The following FAM227B variants were observed in gnomAD, a reference collection of about 807,000 sequenced individuals.
The protein encoded by FAM227B is family with sequence similarity 227 member B, also known as protein FAM227B.
A neutral mutation model predicts 73.8 loss-of-function variants in FAM227B; 88 were observed. The ratio of observed to expected loss-of-function variants is 1.19; its 90% confidence interval spans 1.00 to 1.42. The LOEUF (loss-of-function observed/expected upper bound fraction) is 1.42. Ranked by LOEUF, FAM227B falls within the 40% of genes most tolerant of loss-of-function variation. The pLI is 0.00. For missense variants in FAM227B, 632 were observed against 590.9 expected, an observed-to-expected ratio of 1.07 and a Z score of -0.72; for synonymous variants, 210 against 190.5, an observed-to-expected ratio of 1.10 and a Z score of -0.84.
At chr15:49,372,141 TATAA>T (rs1352836239) in intron 11 of FAM227B, among the ~76,000 whole-genome samples, 3 of 117,636 alleles carry the variant, frequency 2.6e-5, no homozygotes. Context: ...AAAATTCATT[TATAA>T]ATAAATGAAA....
At chr15:49,362,746 T>A (rs1307986559) in intron 13 of FAM227B, among the ~76,000 whole-genome samples, 2 of 146,706 alleles carry the variant, frequency 1.4e-5, no homozygotes, top group Admixed American at 6.8e-5. Context: ...AGAGTTTTTT[T>A]AATAGGTTTA....
At chr15:49,520,642 T>C (rs2059714882) in intron 10 of FAM227B, among the ~76,000 whole-genome samples, 1 of 152,194 alleles carries the variant, frequency 6.6e-6, no homozygotes, top group Non-Finnish European at 1.5e-5. Flanking sequence ...AGAGAGAGCA[T>C]GTGCAGGCGG....
At chr15:49,503,050 C>T (rs1440441692) in intron 11 of FAM227B, among the ~76,000 whole-genome samples, 1 of 152,022 alleles carries the variant, frequency 6.6e-6, no homozygotes, top group Admixed American at 6.5e-5. Flanking sequence ...GTAACCAAAA[C>T]AGCATGGTCC....
chr15:49,329,430 C>T (rs1160140797), intron 15 of FAM227B: 2 of 982,954 alleles, frequency 2.0e-6, no homozygotes, highest in Admixed American at 6.2e-5. Flanking sequence ...ATCAGAATTA[C>T]TTATTATTCT....
chr15:49,586,044 G>GGAACCAAAAATA (rs1181585072), intron 5 of FAM227B, among the ~76,000 whole-genome samples: 1 of 151,804 alleles, frequency 6.6e-6, no homozygotes, highest in Admixed American at 6.6e-5. Context: ...AAATTCATAT[G>GGAACCAAAAATA]GAACCAAAAA....
At chr15:49,437,144 T>C (rs1456676908) in intron 11 of FAM227B, among the ~76,000 whole-genome samples, 1 of 151,590 alleles carries the variant, frequency 6.6e-6, no homozygotes, top group Non-Finnish European at 1.5e-5. Flanking sequence ...GAATGCATAA[T>C]AATAATTATC....
intron 11 of FAM227B, among the ~76,000 whole-genome samples, chr15:49,479,342 T>C (rs530561785): frequency 2.5e-4 from 38 of 152,228 alleles, no homozygotes; most frequent in South Asian, 2.5e-3. Flanking sequence ...CTTTAAATCT[T>C]TGGAAATAAA....
intron 9 of FAM227B, among the ~76,000 whole-genome samples, chr15:49,546,799 C>T (rs1043113729): frequency 3.9e-5 from 6 of 152,232 alleles, no homozygotes; most frequent in African/African-American, 1.2e-4. Context: ...ACCAAATCTA[C>T]GTCTGATTGG....
chr15:49,408,816 CAT>C (rs1417524533), intron 11 of FAM227B, among the ~76,000 whole-genome samples: 1 of 150,542 alleles, frequency 6.6e-6, no homozygotes, highest in African/African-American at 2.5e-5. Context: ...GAGCAAGTAA[CAT>C]GTGTTGTTGT....
intron 9 of FAM227B, among the ~76,000 whole-genome samples, chr15:49,553,811 C>G (rs1382966282): frequency 6.6e-6 from 1 of 152,144 alleles, no homozygotes; most frequent in African/African-American, 2.4e-5. Flanking sequence ...TCCTCTCTGG[C>G]CCAGGGCAGG....
At chr15:49,599,871 T>C (rs1011791275) in intron 3 of FAM227B, among the ~76,000 whole-genome samples, 6 of 152,140 alleles carry the variant, frequency 3.9e-5, no homozygotes, top group African/African-American at 1.4e-4. Context: ...TTGAGAAAAA[T>C]TTGCATTTTG....
chr15:49,591,658 G>C (rs1373651592), intron 3 of FAM227B, among the ~76,000 whole-genome samples: 1 of 151,474 alleles, frequency 6.6e-6, no homozygotes, highest in Non-Finnish European at 1.5e-5. Flanking sequence ...ACTAATTTTT[G>C]TATTTTTTAA....
At chr15:49,585,994 C>T (rs534664678) in intron 5 of FAM227B, among the ~76,000 whole-genome samples, 10 of 152,218 alleles carry the variant, frequency 6.6e-5, no homozygotes, top group Middle Eastern at 3.4e-3. Context: ...TATTAAACTA[C>T]CAATCACATT....
At chr15:49,517,835 A>G (rs1199791140) in intron 10 of FAM227B, among the ~76,000 whole-genome samples, 1 of 152,180 alleles carries the variant, frequency 6.6e-6, no homozygotes, top group East Asian at 1.9e-4. Context: ...CTACTAACAC[A>G]ATAGATTAGT....
At chr15:49,329,894 TA>T (rs1392540373) in intron 15 of FAM227B, 2 of 410,310 alleles carry the variant, frequency 4.9e-6, no homozygotes, top group Non-Finnish European at 3.3e-6. Context: ...AAAAGGTGAG[TA>T]AAAATTTCCA....
intron 11 of FAM227B, among the ~76,000 whole-genome samples, chr15:49,440,378 A>G (rs1024305248): frequency 6.6e-6 from 1 of 151,730 alleles, no homozygotes; most frequent in African/African-American, 2.4e-5. Flanking sequence ...GCTCCAAAGT[A>G]TTTATAGTGA....
chr15:49,549,902 G>A lies in FAM227B; in HGVS notation c.748-8096C>T, dbSNP rs945579310. Among the ~76,000 whole-genome samples the A allele has an allele frequency of 4.9e-4, 57 of 116,206 alleles. 3 individuals are homozygous for A. In the East Asian group the frequency reaches 0.011, roughly 22 times the overall value. The allele number at this position is 116,206 out of a possible 152,430, so 76.2% of individuals were successfully genotyped here. ...CACTTCCCAGACGGGGTGGTTGGCC[G>A]GGCGGGGGGCTGACCCCCCCCACCT... On this transcript the variant is annotated intron_variant, in intron 9 of 15. Coordinates refer to ENST00000299338, the MANE Select transcript of FAM227B (RefSeq NM_152647.3).
intron 10 of FAM227B, among the ~76,000 whole-genome samples, chr15:49,538,733 G>C (rs1337155002): frequency 6.6e-6 from 1 of 151,812 alleles, no homozygotes; most frequent in Admixed American, 6.6e-5. Flanking sequence ...GATCAAGTCT[G>C]CTGTTGACAC....
intron 5 of FAM227B, among the ~76,000 whole-genome samples, chr15:49,583,613 T>C (rs1000087668): frequency 1.1e-4 from 16 of 151,980 alleles, no homozygotes; most frequent in Non-Finnish European, 1.8e-4. Flanking sequence ...GTAGCCATTT[T>C]TTCATTCCTT....
Sources: allele counts gnomAD v4.1 joint callset (sites outside exome capture counted in the v4.1 genomes callset), GRCh38; gene constraint gnomAD v4.1.1; transcripts MANE v1.5; gene names NCBI Gene and HGNC (gene_info 2026-07-23, HGNC 2026-07-21).